The following ALKBH8 variants were observed in gnomAD, a reference collection of about 807,000 sequenced individuals.
ALKBH8 encodes alkB homolog 8, tRNA methyltransferase.
ALKBH8 carries 36 observed loss-of-function variants against 59.8 expected under a neutral mutation model. That is an observed-to-expected ratio of 0.60 (90% CI 0.46 to 0.79). The LOEUF (loss-of-function observed/expected upper bound fraction) is 0.79, where lower values mean the gene tolerates loss of function less well. Among genes scored for constraint, ALKBH8 ranks in the 30% least tolerant of loss-of-function variants. The pLI, the probability that ALKBH8 is intolerant of heterozygous loss-of-function variation, is 0.00. For missense variants in ALKBH8, 768 were observed against 801.0 expected (o/e 0.96, Z 0.50); for synonymous variants, 276 against 273.6 (o/e 1.01, Z -0.09).
chr11:107,522,215 A>G, intron 10 of ALKBH8, 84 bp downstream of exon 10: 1 of 1,441,836 alleles, frequency 6.9e-7, no homozygotes, highest in Non-Finnish European at 9.2e-7. Context: ...TGATCTAAAA[A>G]AACAGGATTA....
At chr11:107,508,173 CT>C (rs34261151) in intron 11 of ALKBH8, among the ~76,000 whole-genome samples, 10,371 of 134,136 alleles carry the variant, frequency 0.077, 381 homozygotes, top group African/African-American at 0.17. Flanking sequence ...TTTTCAATGC[CT>C]TTTTTTTTTT....
intron 7 of ALKBH8, among the ~76,000 whole-genome samples, chr11:107,543,266 C>T (rs534472715): frequency 1.3e-5 from 2 of 151,390 alleles, no homozygotes; most frequent in Non-Finnish European, 2.9e-5. Flanking sequence ...AACCCGGAGG[C>T]GGAGGTTGCA....
rs964653968 is a variant in ALKBH8, at chr11:107,565,556, G to A, written c.-7+45C>T. 3.3e-5 allele frequency: 50 copies of A among 1,535,506 alleles called. No homozygotes were observed. The East Asian group carries it at 9.0e-4, about 28-fold the overall frequency. Reference sequence around the variant, plus strand: ...CCGGAAGAGGCTGAAAAGAGGAAGCGGTGATTTGCTGCCCGTATGCCCGCC... The same window carrying A: ...CCGGAAGAGGCTGAAAAGAGGAAGCAGTGATTTGCTGCCCGTATGCCCGCC... On this transcript the variant is annotated intron_variant, in intron 1 of 11. Coordinates refer to ENST00000428149, the MANE Select transcript of ALKBH8 (RefSeq NM_138775.3).
At chr11:107,534,660 G>A (rs1863734885) in intron 7 of ALKBH8, among the ~76,000 whole-genome samples, 1 of 151,994 alleles carries the variant, frequency 6.6e-6, no homozygotes, top group Non-Finnish European at 1.5e-5. Context: ...TGAAACACCT[G>A]TCCTGGCATA....
intron 9 of ALKBH8, among the ~76,000 whole-genome samples, chr11:107,525,140 T>C (rs1863296908): frequency 6.6e-6 from 1 of 152,226 alleles, no homozygotes; most frequent in Non-Finnish European, 1.5e-5. Flanking sequence ...AATATTTTAT[T>C]GCCCTTCAAT....
chr11:107,560,662 G>A (rs1293542970), intron 2 of ALKBH8, 103 bp downstream of exon 2: 39 of 1,143,360 alleles, frequency 3.4e-5, no homozygotes, highest in Non-Finnish European at 4.5e-5. Context: ...TGTAACACAT[G>A]ACTGAACAAT....
rs145502774 is a variant in ALKBH8 at position 107,510,924 on chromosome 11, C to G, written c.1400G>C (p.Cys467Ser). The G allele has an allele frequency of 3.8e-4, 585 of 1,551,644 alleles. 9 individuals are homozygous for G. The East Asian group carries it at 8.5e-3, about 22-fold the overall frequency. ...ATGATGAATAACAGCAATGGAGATG[C>G]AGGCATCACAAGACCCACTGCGGAC... is the stretch of plus-strand genomic sequence containing the variant. ...VPVRSGSCDA[C>S]ISIAVIHHFA... Residue 467 changes from cysteine (C) to serine (S), a missense_variant, in exon 11 of 12, where the codon TGC becomes TCC. Coordinates refer to ENST00000428149, the MANE Select transcript of ALKBH8 (RefSeq NM_138775.3).
intron 2 of ALKBH8, 90 bp downstream of exon 2, chr11:107,560,675 C>T: frequency 7.9e-7 from 1 of 1,261,224 alleles, no homozygotes; most frequent in East Asian, 2.5e-5. Flanking sequence ...TGAACAATTA[C>T]AGCCTTAGGC....
At position 107,504,740 on chromosome 11, in the gene ALKBH8, G is replaced by T; in HGVS notation, c.1913C>A (p.Ala638Asp). 6.4e-7 allele frequency: 1 copy of T among 1,552,036 alleles called. No individual in the cohort carries two copies. The highest frequency in any genetic ancestry group is 8.7e-7 in the Non-Finnish European group (1 of 1,147,072). ...TCTGACATCACTCACAGTCCTGCAG[G>T]CACCTTCCAGTTCTCCCTCACGGAA... ...HVFREGELEG[A>D]CRTVSDVRIL... The change falls in exon 12 of 12, where the codon GCC (alanine) becomes GAC (aspartate). Residue 638 changes from alanine (A) to aspartate (D), a missense_variant. Transcript: ENST00000428149.
chr11:107,542,842 C>T (rs367981278), intron 7 of ALKBH8, among the ~76,000 whole-genome samples: 69 of 152,154 alleles, frequency 4.5e-4, no homozygotes, highest in East Asian at 3.9e-3. Context: ...ACTGGGAGGT[C>T]GAGGCCGCAG....
chr11:107,522,500 C>T lies in ALKBH8; in HGVS notation c.1086G>A (p.Glu362=), dbSNP rs1863159424. The T allele has an allele frequency of 6.4e-6, 10 of 1,551,650 alleles. No homozygotes were observed. The highest frequency in any genetic ancestry group is 8.7e-6 in the Non-Finnish European group (10 of 1,146,966). The change falls in exon 10 of 12, where the codon GAG becomes GAA. Residue 362 remains glutamate (E), a synonymous_variant. Coordinates refer to ENST00000428149, the MANE Select transcript of ALKBH8 (RefSeq NM_138775.3). ...CCAGCCGTGAGGCTTCTTTATCACT[C>T]TCTGGAAATGAGGGGGGAGTCTCTT... ...QRKETPPSFP[E]SDKEASRLEQ...
At chr11:107,540,621 T>C (rs1863996037) in intron 7 of ALKBH8, among the ~76,000 whole-genome samples, 2 of 152,232 alleles carry the variant, frequency 1.3e-5, no homozygotes, top group Admixed American at 1.3e-4. Context: ...ATTATGTTGA[T>C]GTGTTTACAC....
intron 7 of ALKBH8, among the ~76,000 whole-genome samples, chr11:107,540,696 G>A (rs552655938): frequency 1.3e-5 from 2 of 152,194 alleles, no homozygotes; most frequent in Admixed American, 6.5e-5. Context: ...TCATTTGTTT[G>A]CAGGAACTAT....
At chr11:107,518,163 A>C (rs187285670) in intron 10 of ALKBH8, among the ~76,000 whole-genome samples, 1 of 152,248 alleles carries the variant, frequency 6.6e-6, no homozygotes, top group Non-Finnish European at 1.5e-5. Context: ...TGAGTTATCA[A>C]ATTATTGCAC....
chr11:107,505,752 G>A (rs541222862), intron 11 of ALKBH8, among the ~76,000 whole-genome samples: 2 of 152,224 alleles, frequency 1.3e-5, no homozygotes, highest in African/African-American at 4.8e-5. Flanking sequence ...GAGAAGGGAA[G>A]TAAGCCAAGG....
At chr11:107,551,566 C>T (rs180878445) in intron 6 of ALKBH8, among the ~76,000 whole-genome samples, 5 of 151,548 alleles carry the variant, frequency 3.3e-5, no homozygotes, top group South Asian at 4.2e-4. Context: ...TGATGGTGTG[C>T]GCCTGTAATC....
chr11:107,554,043 G>T, intron 3 of ALKBH8, 65 bp from the exon 4 acceptor site: 1 of 1,570,156 alleles, frequency 6.4e-7, no homozygotes, highest in Non-Finnish European at 8.7e-7. Flanking sequence ...AAATAATTCT[G>T]CCCAATAACT....
chr11:107,527,494 T>C (rs1430117388), intron 8 of ALKBH8, among the ~76,000 whole-genome samples: 1 of 152,074 alleles, frequency 6.6e-6, no homozygotes, highest in Non-Finnish European at 1.5e-5. Flanking sequence ...TTTCATTTTG[T>C]CATTGCCATA....
At chr11:107,539,352 C>G (rs1346474947) in intron 7 of ALKBH8, among the ~76,000 whole-genome samples, 1 of 152,178 alleles carries the variant, frequency 6.6e-6, no homozygotes. Context: ...GTAATCCCAG[C>G]ACTTTGGGAG....
Sources: gnomAD v4.1 joint callset for allele counts (sites outside exome capture counted in the v4.1 genomes callset) on GRCh38, gnomAD v4.1.1 for gene constraint, MANE v1.5 for transcripts, NCBI Gene and HGNC (gene_info 2026-07-23, HGNC 2026-07-21) for gene names.